UVSSA: variants seen among roughly 807,000 people sequenced by gnomAD.
UVSSA encodes UV stimulated scaffold protein A.
In UVSSA, 72 loss-of-function variants were observed where a neutral mutation model predicts 73.9. The observed-to-expected ratio is 0.97, with a 90% CI of 0.81 to 1.19. The LOEUF is 1.19. Ranked by LOEUF, UVSSA falls within the 50% of genes most tolerant of loss-of-function variation. UVSSA has a pLI of 0.00. For missense variants in UVSSA, 1,150 were observed against 965.0 expected (o/e 1.19, Z -2.54); for synonymous variants, 454 against 391.3 (o/e 1.16, Z -1.89).
At chr4:1,392,021 C>CT (rs997204709), downstream of UVSSA, 4 of 152,160 alleles carry the variant, frequency 2.6e-5, no homozygotes, top group Admixed American at 6.5e-5. Context: ...TTCTCCATTA[C>CT]TTTTTTGTGT....
At chr4:1,364,391 G>C (rs1168938985) in intron 7 of UVSSA, among the ~76,000 whole-genome samples, 1 of 152,164 alleles carries the variant, frequency 6.6e-6, no homozygotes, top group Non-Finnish European at 1.5e-5. Context: ...CTCCGTGGGG[G>C]CTGGGCTTGG....
chr4:1,395,071 C>G (rs1720504038), exon 14 of UVSSA: 2 of 1,320,622 alleles, frequency 1.5e-6, no homozygotes, highest in African/African-American at 3.2e-5. Flanking sequence ...ACGTGGAGTG[C>G]CCGCCTGATC....
chr4:1,380,931 G>A lies in UVSSA; in HGVS notation c.1804G>A (p.Asp602Asn), dbSNP rs780864945. 58 of 1,612,914 alleles carry A rather than the reference G, an allele frequency of 3.6e-5. No individual in the cohort carries two copies. The highest frequency in any genetic ancestry group is 1.3e-4 in the East Asian group (6 of 44,874). ...ACGGGACGACGAAGGACGGCCGCTCGACCCGGAAGACAGGGCTCGTGAGCA... is the reference window on the plus strand; with the variant it reads ...ACGGGACGACGAAGGACGGCCGCTCAACCCGGAAGACAGGGCTCGTGAGCA... The part of the protein sequence containing the change: ...VPRDDEGRPL[D>N]PEDRAREQRR... The change falls in exon 12 of 14, where the codon GAC (aspartate) becomes AAC (asparagine). Residue 602 changes from aspartate (D) to asparagine (N), a missense_variant. By Grantham distance (23) the Asp-to-Asn change is conservative. Transcript: ENST00000389851.
intron 10 of UVSSA, among the ~76,000 whole-genome samples, chr4:1,377,792 C>T (rs1164448352): frequency 2.0e-5 from 3 of 152,286 alleles, no homozygotes; most frequent in African/African-American, 4.8e-5. Context: ...CAGCACCACG[C>T]ACCTGGTGCA....
Position 1,355,097 on chromosome 4 carries a change from T to C in UVSSA, c.1048-20T>C. 1 of 1,612,876 alleles carries C rather than the reference T, an allele frequency of 6.2e-7. No individual in the cohort carries two copies. The highest frequency in any genetic ancestry group is 8.5e-7 in the Non-Finnish European group (1 of 1,179,544). ...TCCTGCCCGGCCGGCCCCTGAGCTG[T>C]TCGCACCCCCGTTTCGCAGCGCTTC... On this transcript the variant is annotated intron_variant, in intron 6 of 13. Transcript: ENST00000389851.
At chr4:1,354,879 G>A (rs1237118135) in intron 6 of UVSSA, 32 bp downstream of exon 6, 2 of 1,511,598 alleles carry the variant, frequency 1.3e-6, no homozygotes, top group African/African-American at 2.8e-5. Context: ...TGTGGGTGGA[G>A]GGACGTGTGC....
At chr4:1,376,563 G>A (rs1288328126) in intron 10 of UVSSA, among the ~76,000 whole-genome samples, 3 of 152,188 alleles carry the variant, frequency 2.0e-5, no homozygotes, top group East Asian at 1.9e-4. Context: ...CACGGTGACC[G>A]TGTGTCCAGA....
At chr4:1,363,075 G>A (rs776151473) in intron 7 of UVSSA, among the ~76,000 whole-genome samples, 35 of 151,354 alleles carry the variant, frequency 2.3e-4, no homozygotes, top group Admixed American at 2.2e-3. Flanking sequence ...TTTAGTATCC[G>A]CAGTGAAGCC....
At chr4:1,390,280 G>A (rs1417220784), downstream of UVSSA, 1 of 152,020 alleles carries the variant, frequency 6.6e-6, no homozygotes, top group Non-Finnish European at 1.5e-5. Context: ...AATTTCCCAG[G>A]TTTCCTTCTG....
At chr4:1,380,736 G>T (rs767756128) in intron 11 of UVSSA, 144 bp from the exon 12 acceptor site, 7 of 1,553,364 alleles carry the variant, frequency 4.5e-6, no homozygotes, top group Non-Finnish European at 6.1e-6. Context: ...TCTGAGGGGC[G>T]CGTGATTCCA....
Position 1,376,064 on chromosome 4 carries a change from G to A in UVSSA, c.1464G>A (p.Glu488=), listed in dbSNP as rs1718727574. The A allele has an allele frequency of 3.1e-6, 5 of 1,600,786 alleles. No individual in the cohort carries two copies. Among genetic ancestry groups the A allele is most frequent in the African/African-American group, 1.3e-5 (1 of 74,638 alleles). ...CCAGAGCGTTGCCAGAGCCACAGGA[G>A]GCCCAGAAGCTGGCAGCAGAGCGGG... The part of the protein sequence containing the change: ...SPSRALPEPQ[E]AQKLAAERAR... Residue 488 remains glutamate, a synonymous_variant, in exon 10 of 14, where the codon GAG becomes GAA. Transcript: ENST00000389851.
chr4:1,347,072 C>G (rs1425333968), upstream of UVSSA, among the ~76,000 whole-genome samples: 18 of 152,174 alleles, frequency 1.2e-4, no homozygotes, highest in Admixed American at 1.2e-3. Flanking sequence ...GCGAGAAAGG[C>G]CGCGTCGAGC....
At chr4:1,394,107 C>A in exon 14 of UVSSA, 1 of 329,044 alleles carries the variant, frequency 3.0e-6, no homozygotes, top group Non-Finnish European at 5.7e-6. Flanking sequence ...CTTACTTGCA[C>A]ACAGCCACAA....
chr4:1,346,333 G>A (rs971048892), upstream of UVSSA, among the ~76,000 whole-genome samples: 1 of 152,086 alleles, frequency 6.6e-6, no homozygotes, highest in South Asian at 2.1e-4. Context: ...GAGCCCAGTC[G>A]GGCGTCTGCT....
chr4:1,346,542 G>A (rs1002833532), upstream of UVSSA, among the ~76,000 whole-genome samples: 3 of 152,092 alleles, frequency 2.0e-5, no homozygotes, highest in Admixed American at 2.0e-4. Context: ...CCGGGCCCAG[G>A]GGTACCTGCT....
chr4:1,362,464 A>G (rs1242533654), intron 7 of UVSSA, among the ~76,000 whole-genome samples: 2 of 152,176 alleles, frequency 1.3e-5, no homozygotes, highest in Non-Finnish European at 2.9e-5. Flanking sequence ...CTGCTTTATC[A>G]CAGGAAACTC....
intron 11 of UVSSA, chr4:1,380,610 G>A (rs538583235): frequency 1.9e-4 from 291 of 1,492,828 alleles, no homozygotes; most frequent in Non-Finnish European, 2.4e-4. Flanking sequence ...CAGGGGGGTC[G>A]CTATGGCCAT....
chr4:1,346,359 C>T (rs961114884), upstream of UVSSA, among the ~76,000 whole-genome samples: 1 of 152,144 alleles, frequency 6.6e-6, no homozygotes. Context: ...TGGCCTGTGC[C>T]GGGCGCCCCG....
chr4:1,380,685 G>A (rs764393258), intron 11 of UVSSA, 195 bp from the exon 12 acceptor site: 82 of 1,539,262 alleles, frequency 5.3e-5, no homozygotes, highest in East Asian at 3.5e-4. Flanking sequence ...GAGGAGGGAC[G>A]GAGCCATCCC....
Sources: gnomAD v4.1 joint callset for allele counts (sites outside exome capture counted in the v4.1 genomes callset) on GRCh38, gnomAD v4.1.1 for gene constraint, MANE v1.5 for transcripts, NCBI Gene and HGNC (gene_info 2026-07-23, HGNC 2026-07-21) for gene names.